The following FAM53B variants were observed in gnomAD, a reference collection of about 807,000 sequenced individuals.
FAM53B encodes family with sequence similarity 53 member B.
Under a neutral mutation model 32.7 loss-of-function variants are expected in FAM53B, and 12 were observed. That is an observed-to-expected ratio of 0.37 (90% CI 0.24 to 0.59). FAM53B has a LOEUF of 0.59. FAM53B is among the 20% of genes least tolerant of loss of function. FAM53B has a pLI of 0.72. For synonymous variants in FAM53B, 234 were observed against 228.7 expected (o/e 1.02, Z -0.21); for missense variants, 477 against 577.7 (o/e 0.83, Z 1.79).
intron 4 of FAM53B, among the ~76,000 whole-genome samples, chr10:124,667,039 C>G (rs1305007491): frequency 6.6e-6 from 1 of 152,188 alleles, no homozygotes; most frequent in Non-Finnish European, 1.5e-5. Context: ...CCCCAACCCC[C>G]CCACACTCTT....
chr10:124,714,486 C>A (rs1374519165), intron 1 of FAM53B, among the ~76,000 whole-genome samples: 1 of 152,090 alleles, frequency 6.6e-6, no homozygotes, highest in Non-Finnish European at 1.5e-5. Context: ...TCTTGCCGGG[C>A]GTGGTGGCTC....
At chr10:124,728,539 T>A (rs980304084) in intron 1 of FAM53B, among the ~76,000 whole-genome samples, 5 of 152,224 alleles carry the variant, frequency 3.3e-5, no homozygotes, top group African/African-American at 1.2e-4. Flanking sequence ...CCCTGACGCC[T>A]CCAGACTGCT....
At chr10:124,698,240 C>T (rs1949888107) in intron 2 of FAM53B, among the ~76,000 whole-genome samples, 1 of 152,138 alleles carries the variant, frequency 6.6e-6, no homozygotes, top group South Asian at 2.1e-4. Flanking sequence ...GGGTGGGAGG[C>T]CAGAGAGGCC....
chr10:124,710,543 T>C (rs1257639385), intron 1 of FAM53B, among the ~76,000 whole-genome samples: 1 of 152,176 alleles, frequency 6.6e-6, no homozygotes, highest in Non-Finnish European at 1.5e-5. Flanking sequence ...GAGCCCAGTC[T>C]GCAAACAGGG....
chr10:124,713,687 G>A (rs1260600038), intron 1 of FAM53B: 1 of 152,214 alleles, frequency 6.6e-6, no homozygotes, highest in Non-Finnish European at 1.5e-5. Context: ...AAAAGAAACT[G>A]GAAATCAGCA....
chr10:124,709,430 C>T (rs894686437), intron 1 of FAM53B, among the ~76,000 whole-genome samples: 11 of 152,180 alleles, frequency 7.2e-5, no homozygotes, highest in South Asian at 2.1e-4. Flanking sequence ...GCACCAAAAG[C>T]GCCTGGGTAA....
intron 4 of FAM53B, among the ~76,000 whole-genome samples, chr10:124,653,964 C>T (rs1949570886): frequency 3.9e-5 from 6 of 152,170 alleles, no homozygotes; most frequent in Admixed American, 3.3e-4. Context: ...TTCTGGAAGC[C>T]GACCAGGCAG....
At chr10:124,734,453 G>A (rs1279898086) in intron 1 of FAM53B, among the ~76,000 whole-genome samples, 1 of 152,226 alleles carries the variant, frequency 6.6e-6, no homozygotes, top group African/African-American at 2.4e-5. Flanking sequence ...CGCTCCACCT[G>A]GCAGATGAGT....
At chr10:124,669,774 A>C (rs1422575719) in intron 4 of FAM53B, among the ~76,000 whole-genome samples, 2 of 152,086 alleles carry the variant, frequency 1.3e-5, no homozygotes, top group Admixed American at 1.3e-4. Context: ...GATCCCACTC[A>C]CCGCTCTGCC....
intron 2 of FAM53B, among the ~76,000 whole-genome samples, chr10:124,699,641 G>A (rs1439669640): frequency 6.6e-6 from 1 of 152,242 alleles, no homozygotes; most frequent in Non-Finnish European, 1.5e-5. Flanking sequence ...TCTGTCAGCA[G>A]CACCCCAATT....
intron 1 of FAM53B, among the ~76,000 whole-genome samples, chr10:124,717,206 G>C (rs1372196456): frequency 1.3e-5 from 2 of 152,152 alleles, no homozygotes; most frequent in Admixed American, 1.3e-4. Flanking sequence ...GTTCCCTCAT[G>C]AGTCAAATAG....
intron 4 of FAM53B, among the ~76,000 whole-genome samples, chr10:124,654,815 A>G (rs1949577263): frequency 6.6e-6 from 1 of 152,138 alleles, no homozygotes; most frequent in Non-Finnish European, 1.5e-5. Context: ...GGCCCCTTCC[A>G]GAAGGAGGTA....
Position 124,681,996 on chromosome 10 carries a change from G to C in FAM53B, c.517C>G (p.Arg173Gly). ...QRSSSFSLPS[R>G]ANVLSSPCDQ... ...CAGGGTGAGGAGAGCACGTTGGCCC[G>C]GGAAGGGAGGCTGAAGCTGGAACTC... Residue 173 changes from arginine to glycine, a missense_variant, in exon 4 of 5, where the codon CGG (arginine) becomes GGG (glycine). By Grantham distance (125) the Arg-to-Gly change is moderately radical. Coordinates refer to ENST00000337318, the MANE Select transcript of FAM53B (RefSeq NM_014661.4). The C allele has an allele frequency of 6.2e-7, 1 of 1,614,004 alleles. No individual in the cohort carries two copies. Among genetic ancestry groups the C allele is most frequent in the South Asian group, 1.1e-5 (1 of 91,080 alleles).
At chr10:124,699,392 C>T (rs1465956137) in intron 2 of FAM53B, among the ~76,000 whole-genome samples, 1 of 152,252 alleles carries the variant, frequency 6.6e-6, no homozygotes, top group East Asian at 1.9e-4. Flanking sequence ...AAAGTCAAAC[C>T]TCAGTGGGGA....
intron 4 of FAM53B, among the ~76,000 whole-genome samples, chr10:124,647,168 G>T (rs1035951238): frequency 6.6e-6 from 1 of 152,204 alleles, no homozygotes; most frequent in African/African-American, 2.4e-5. Flanking sequence ...ACTCTGCCAA[G>T]CACGTGGGGA....
chr10:124,694,343 T>C (rs1388092872), intron 3 of FAM53B, among the ~76,000 whole-genome samples: 3 of 152,228 alleles, frequency 2.0e-5, no homozygotes, highest in Non-Finnish European at 4.4e-5. Context: ...CTCTGCAGCC[T>C]CCGATAGACT....
intron 4 of FAM53B, among the ~76,000 whole-genome samples, chr10:124,655,884 G>A (rs1272915600): frequency 6.6e-6 from 1 of 152,174 alleles, no homozygotes; most frequent in African/African-American, 2.4e-5. Flanking sequence ...CTAGATGGAA[G>A]CTGCCAGAGA....
chr10:124,692,097 C>A (rs1020023884), intron 3 of FAM53B, among the ~76,000 whole-genome samples: 24 of 152,342 alleles, frequency 1.6e-4, no homozygotes, highest in Admixed American at 1.0e-3. Flanking sequence ...ACTGGGGATG[C>A]TCTGGAAGAT....
At chr10:124,678,029 C>A (rs183986931) in intron 4 of FAM53B, among the ~76,000 whole-genome samples, 2 of 152,238 alleles carry the variant, frequency 1.3e-5, no homozygotes, top group East Asian at 3.9e-4. Flanking sequence ...AGCAAAGAGG[C>A]AAGAAGATGA....
Sources: gnomAD v4.1 joint callset for allele counts (sites outside exome capture counted in the v4.1 genomes callset) on GRCh38, gnomAD v4.1.1 for gene constraint, MANE v1.5 for transcripts, NCBI Gene and HGNC (gene_info 2026-07-23, HGNC 2026-07-21) for gene names.